Variants in PRDX4 observed in about 807,000 individuals in gnomAD.
PRDX4 encodes the protein peroxiredoxin 4.
In PRDX4, 12 loss-of-function variants were observed where a neutral mutation model predicts 20.5. That is an observed-to-expected ratio of 0.58 (90% CI 0.37 to 0.95). PRDX4 has a LOEUF of 0.95. PRDX4 is among the 40% of genes least tolerant of loss of function. The probability of loss-of-function intolerance (pLI) is 0.01; values close to 1 mark genes in which losing one functional copy is unlikely to be tolerated. For synonymous variants in PRDX4, 99 were observed against 87.5 expected (o/e 1.13, Z -0.73); for missense variants, 180 against 207.3 (o/e 0.87, Z 0.81).
chrX:23,683,704 C>G lies in PRDX4; in HGVS notation c.764C>G (p.Thr255Arg). 8.3e-7 allele frequency: 1 copy of G among 1,202,067 alleles called. No homozygotes were observed. The highest frequency in any genetic ancestry group is 1.8e-5 in the South Asian group (1 of 56,099). ...GCTGGCTGGAAACCTGGTAGTGAAACAGTAAGTATATATATATGTTTTTAT... is the reference window on the plus strand; with the variant it reads ...GCTGGCTGGAAACCTGGTAGTGAAAGAGTAAGTATATATATATGTTTTTAT... ...CPAGWKPGSE[T>R]IIPDPAGKLK... is the part of the protein sequence containing the mutation. The change falls in exon 6 of 7, where the codon ACA becomes AGA. Residue 255 changes from threonine (T) to arginine (R), a missense_variant and splice_region_variant. Transcript: ENST00000379341.
rs149749446 is a variant in PRDX4, at chrX:23,684,996, A to G, written c.766-1289A>G. 6.2e-3 allele frequency among the ~76,000 whole-genome samples: 696 copies of G among 112,355 alleles called. 5 individuals are homozygous for G. The highest frequency in any genetic ancestry group is 0.02 in the African/African-American group (629 of 30,958). The stretch of plus-strand genomic sequence containing the variant: ...AAATATATACAACTATTATTTGTCA[A>G]TCAATCAAAAATTAAAAAGAATGAC... On this transcript the variant is annotated intron_variant, in intron 6 of 6. Transcript: ENST00000379341.
At chrX:23,679,128 A>G in intron 3 of PRDX4, 37 bp from the exon 4 acceptor site, 1 of 1,194,317 alleles carries the variant, frequency 8.4e-7, no homozygotes. Flanking sequence ...TATGCCGTTT[A>G]CTTAGCTCTG....
intron 1 of PRDX4, chrX:23,671,287 G>T (rs986781277): frequency 9.9e-6 from 3 of 302,783 alleles, no homozygotes; most frequent in Non-Finnish European, 1.7e-5. Context: ...CATGTATTAT[G>T]ATATCACCAA....
At chrX:23,683,908 C>T (rs1239420130) in intron 6 of PRDX4, among the ~76,000 whole-genome samples, 1 of 106,402 alleles carries the variant, frequency 9.4e-6, no homozygotes. Flanking sequence ...ATTAGCCGGG[C>T]ATGGTGGTGG....
At chrX:23,683,886 C>CAAA (rs11405124) in intron 6 of PRDX4, among the ~76,000 whole-genome samples, 181 bp downstream of exon 6, 1 of 94,443 alleles carries the variant, frequency 1.1e-5, no homozygotes. Flanking sequence ...TACTAAAATA[C>CAAA]AAAAAAAAAA....
At position 23,667,598 on chromosome X, in the gene PRDX4, A is replaced by G. The variant is rs961602543; in HGVS notation, c.28A>G (p.Thr10Ala). 1.1e-5 allele frequency: 13 copies of G among 1,190,830 alleles called. No homozygotes were observed. The Admixed American group carries it at 1.9e-4, about 17-fold the overall frequency. Residue 10 changes from threonine to alanine, a missense_variant, in exon 1 of 7, where the codon ACA (threonine) becomes GCA (alanine). By Grantham distance (58) the Thr-to-Ala change is moderately conservative. Coordinates refer to ENST00000379341, the MANE Select transcript of PRDX4 (RefSeq NM_006406.2). ...GGAGGCGCTGCCGCTGCTAGCCGCG[A>G]CAACTCCGGACCACGGCCGCCACCG... The part of the protein sequence containing the change: MEALPLLAA[T>A]TPDHGRHRRL...
chrX:23,683,573 A>T, intron 5 of PRDX4, 98 bp from the exon 6 acceptor site: 1 of 812,219 alleles, frequency 1.2e-6, no homozygotes, highest in Non-Finnish European at 1.8e-6. Context: ...TTATTAGTAT[A>T]TTCTATTCAG....
intron 2 of PRDX4, among the ~76,000 whole-genome samples, chrX:23,672,815 A>G (rs1337858502): frequency 9.0e-6 from 1 of 111,360 alleles, no homozygotes; most frequent in Non-Finnish European, 1.9e-5. Flanking sequence ...GGGATTAACA[A>G]ATTTTTTCTG....
At chrX:23,685,024 C>G (rs1016434900) in intron 6 of PRDX4, among the ~76,000 whole-genome samples, 5 of 112,255 alleles carry the variant, frequency 4.5e-5, no homozygotes, top group African/African-American at 1.6e-4. Flanking sequence ...AGAATGACCA[C>G]CACAGTATGT....
intron 1 of PRDX4, among the ~76,000 whole-genome samples, chrX:23,668,227 G>T (rs992969372): frequency 1.2e-4 from 13 of 112,660 alleles, no homozygotes; most frequent in Admixed American, 5.6e-4. Flanking sequence ...TGATTAAACA[G>T]AAAAGTTGCT....
chrX:23,669,606 G>T (rs1272476036), intron 1 of PRDX4, among the ~76,000 whole-genome samples: 1 of 111,430 alleles, frequency 9.0e-6, no homozygotes, highest in Non-Finnish European at 1.9e-5. Flanking sequence ...GCAACACGTG[G>T]CAAATTTGTG....
At chrX:23,673,510 T>A (rs1405273562) in intron 2 of PRDX4, among the ~76,000 whole-genome samples, 1 of 112,502 alleles carries the variant, frequency 8.9e-6, no homozygotes, top group Non-Finnish European at 1.9e-5. Context: ...CCCAGCACTT[T>A]GGGAGGCCAA....
chrX:23,685,026 A>G (rs922358989), intron 6 of PRDX4, among the ~76,000 whole-genome samples: 1 of 112,469 alleles, frequency 8.9e-6, no homozygotes, highest in African/African-American at 3.2e-5. Flanking sequence ...AATGACCACC[A>G]CAGTATGTGA....
At chrX:23,679,459 C>T (rs1928018035) in intron 4 of PRDX4, among the ~76,000 whole-genome samples, 172 bp downstream of exon 4, 1 of 111,297 alleles carries the variant, frequency 9.0e-6, no homozygotes, top group Non-Finnish European at 1.9e-5. Flanking sequence ...CCACGGTGGG[C>T]AGATTACTTG....
chrX:23,668,911 T>G (rs933042134), intron 1 of PRDX4, among the ~76,000 whole-genome samples: 1 of 88,645 alleles, frequency 1.1e-5, no homozygotes, highest in Non-Finnish European at 2.2e-5. Context: ...TTAACCACTT[T>G]GGGACTTTTT....
Position 23,674,570 on chromosome X carries a change from A to G in PRDX4, c.360-420A>G, listed in dbSNP as rs754606534. Among the ~76,000 whole-genome samples, 3 of 95,573 alleles carry G rather than the reference A, an allele frequency of 3.1e-5. No homozygotes were observed. The East Asian group carries it at 1.0e-3, about 33-fold the overall frequency. 83.0% of individuals were successfully genotyped at this position (95,573 alleles called of 115,157 possible). A position where few individuals can be genotyped will look rare whatever the true frequency, so the allele number is the denominator to read the frequency against. ...CTCCAAAATACACATAGATGCATCTAATTCATAGGGTTGGTATAGGAATAT... is the reference window on the plus strand; with the variant it reads ...CTCCAAAATACACATAGATGCATCTGATTCATAGGGTTGGTATAGGAATAT... On this transcript the variant is annotated intron_variant, in intron 2 of 6. Transcript: ENST00000379341.
rs781536620 is a variant in PRDX4, at chrX:23,682,541, TA to T, written c.730+17del. The T allele has an allele frequency of 9.0e-7, 1 of 1,110,696 alleles. No homozygotes were observed. The highest frequency in any genetic ancestry group is 1.2e-6 in the Non-Finnish European group (1 of 838,937). The allele number at this position is 1,110,696 out of a possible 1,213,427, so 91.5% of individuals were successfully genotyped here. A position where few individuals can be genotyped will look rare whatever the true frequency, so the allele number is the denominator to read the frequency against. The stretch of plus-strand genomic sequence containing the variant: ...ACACGGAGAAGGTACCTCTCCCTTC[TA>T]ACCTTTTGATTTTTTAGTTTGAAAG... On this transcript the variant is annotated intron_variant, in intron 5 of 6. Transcript: ENST00000379341.
In PRDX4 at chrX:23,680,436, T is replaced by A. The variant is rs182509184; in HGVS notation, c.599+1149T>A. On this transcript the variant is annotated intron_variant, in intron 4 of 6. Transcript: ENST00000379341. ...AGAATTCTTTGAAAAGGGGGCAATT[T>A]TAGTGTGGAACAGTTGTAATTTGGT... 1.1e-3 allele frequency among the ~76,000 whole-genome samples: 122 copies of A among 112,320 alleles called. 2 individuals are homozygous for A. The highest frequency in any genetic ancestry group is 7.1e-3 in the Admixed American group (75 of 10,509).
chrX:23,671,024 A>G (rs920084333), intron 1 of PRDX4, among the ~76,000 whole-genome samples: 6 of 112,282 alleles, frequency 5.3e-5, no homozygotes, highest in Admixed American at 9.5e-5. Flanking sequence ...GTCTGTGAGC[A>G]TGAATAGGGG....
Sources: allele counts gnomAD v4.1 joint callset (sites outside exome capture counted in the v4.1 genomes callset), GRCh38; gene constraint gnomAD v4.1.1; transcripts MANE v1.5; gene names NCBI Gene and HGNC (gene_info 2026-07-23, HGNC 2026-07-21).